Variants in IQCM observed in about 807,000 individuals in gnomAD.
IQCM encodes the protein IQ domain-containing protein M.
Under a neutral mutation model 57.6 loss-of-function variants are expected in IQCM, and 45 were observed. The observed-to-expected ratio is 0.78, with a 90% CI of 0.62 to 1.00. The LOEUF (loss-of-function observed/expected upper bound fraction) is 1.00. IQCM is among the 50% of genes least tolerant of loss of function. The pLI is 0.00. For synonymous variants in IQCM, 148 were observed against 158.9 expected, an observed-to-expected ratio of 0.93 and a Z score of 0.51; for missense variants, 468 against 511.6, an observed-to-expected ratio of 0.91 and a Z score of 0.82.
chr4:149,595,328 T>C (rs1000640716), intron 8 of IQCM, among the ~76,000 whole-genome samples: 17 of 152,040 alleles, frequency 1.1e-4, no homozygotes, highest in African/African-American at 3.6e-4. Context: ...CTCCATCCCT[T>C]TATTTTTTAA....
chr4:149,703,954 C>T (rs1763961664), intron 5 of IQCM, among the ~76,000 whole-genome samples: 1 of 151,840 alleles, frequency 6.6e-6, no homozygotes, highest in African/African-American at 2.4e-5. Flanking sequence ...ATTCCTTTCA[C>T]TTATACAAGC....
At chr4:149,416,674 C>G (rs1159469145) in intron 13 of IQCM, among the ~76,000 whole-genome samples, 1 of 152,014 alleles carries the variant, frequency 6.6e-6, no homozygotes, top group Non-Finnish European at 1.5e-5. Flanking sequence ...ACTTCATGAA[C>G]AGAGAAATGA....
At chr4:149,754,629 G>A (rs751936093) in intron 2 of IQCM, among the ~76,000 whole-genome samples, 31 of 152,050 alleles carry the variant, frequency 2.0e-4, no homozygotes, top group Non-Finnish European at 3.8e-4. Context: ...TTAGCTTCCA[G>A]GGATTTCCAG....
At chr4:149,550,120 C>T (rs1049514691) in intron 11 of IQCM, among the ~76,000 whole-genome samples, 1 of 152,166 alleles carries the variant, frequency 6.6e-6, no homozygotes, top group Non-Finnish European at 1.5e-5. Flanking sequence ...CAGGCCTTCA[C>T]TCAACCCATC....
At chr4:149,419,751 G>T (rs1404627166) in intron 13 of IQCM, among the ~76,000 whole-genome samples, 1 of 151,948 alleles carries the variant, frequency 6.6e-6, no homozygotes, top group Non-Finnish European at 1.5e-5. Flanking sequence ...ATCTGACAAA[G>T]GTCTAATATC....
chr4:149,477,471 T>C (rs1740320104), intron 12 of IQCM, among the ~76,000 whole-genome samples: 2 of 152,110 alleles, frequency 1.3e-5, no homozygotes, highest in South Asian at 4.2e-4. Flanking sequence ...GAGTATTTAC[T>C]CTGTATCATG....
At chr4:149,703,440 A>G (rs1763916329) in intron 5 of IQCM, among the ~76,000 whole-genome samples, 1 of 151,900 alleles carries the variant, frequency 6.6e-6, no homozygotes, top group Non-Finnish European at 1.5e-5. Context: ...AAATACACAC[A>G]AAATCTCATA....
At position 149,553,265 on chromosome 4, in the gene IQCM, A is replaced by G. The variant is rs1246383659; in HGVS notation, c.971T>C (p.Met324Thr). ...GCCATACATGTTAATAACTGCTTTC[A>G]TATCTGGTCCATGATCCAAAGCCTA... ...MTKALDHGPD[M>T]KAVINMYGRL... Residue 324 changes from methionine (M) to threonine (T), a missense_variant, in exon 11 of 14, where the codon ATG becomes ACG. Transcript: ENST00000636793. 1.6e-6 allele frequency: 2 copies of G among 1,231,844 alleles called. No individual in the cohort carries two copies. Among genetic ancestry groups the G allele is most frequent in the African/African-American group, 3.1e-5 (2 of 64,410 alleles). 76.3% of individuals were successfully genotyped at this position (1,231,844 alleles called of 1,614,324 possible).
chr4:149,672,585 T>C (rs1474904102), intron 7 of IQCM, among the ~76,000 whole-genome samples: 1 of 151,444 alleles, frequency 6.6e-6, no homozygotes, highest in Non-Finnish European at 1.5e-5. Context: ...GAAAAAAGAG[T>C]AAAAAGAAAC....
At position 149,673,839 on chromosome 4, in the gene IQCM, C is replaced by T. The variant is rs530640787; in HGVS notation, c.565+8279G>A. Among the ~76,000 whole-genome samples the T allele has an allele frequency of 6.6e-5, 10 of 152,196 alleles. No homozygotes were observed. The East Asian group carries it at 9.7e-4, about 15-fold the overall frequency. ...ATATACATTCTTCTCAGAACCACTT[C>T]GCACTTATTCCAAAAAAGGCTAAGT... On this transcript the variant is annotated intron_variant, in intron 7 of 13. Coordinates refer to ENST00000636793, the MANE Select transcript of IQCM (RefSeq NM_001363507.2).
chr4:149,765,763 C>G (rs1273265174), intron 2 of IQCM, among the ~76,000 whole-genome samples: 1 of 152,084 alleles, frequency 6.6e-6, no homozygotes, highest in Non-Finnish European at 1.5e-5. Flanking sequence ...TCCCCATTTG[C>G]TCCTATAGAT....
intron 2 of IQCM, among the ~76,000 whole-genome samples, chr4:149,750,996 C>T (rs538806083): frequency 1.3e-5 from 2 of 152,246 alleles, no homozygotes; most frequent in South Asian, 2.1e-4. Flanking sequence ...TCTCTATAAA[C>T]TTGTAAAAAC....
intron 2 of IQCM, among the ~76,000 whole-genome samples, chr4:149,776,353 C>A (rs983470605): frequency 2.6e-5 from 4 of 152,164 alleles, no homozygotes; most frequent in African/African-American, 9.6e-5. Context: ...AAAACCGAGG[C>A]TCAGAGAAGC....
intron 2 of IQCM, among the ~76,000 whole-genome samples, chr4:149,749,443 G>A (rs558703587): frequency 5.9e-5 from 9 of 151,992 alleles, no homozygotes; most frequent in Admixed American, 1.3e-4. Flanking sequence ...ATCAGGACAC[G>A]GTCTATGTTT....
intron 2 of IQCM, among the ~76,000 whole-genome samples, chr4:149,781,744 C>G (rs1399973784): frequency 6.6e-6 from 1 of 152,128 alleles, no homozygotes; most frequent in African/African-American, 2.4e-5. Context: ...GACTAGTGAA[C>G]TGCCAAAACA....
intron 5 of IQCM, among the ~76,000 whole-genome samples, chr4:149,687,878 A>C (rs994436462): frequency 2.6e-5 from 4 of 151,958 alleles, no homozygotes; most frequent in Admixed American, 6.6e-5. Context: ...ATGCAGAAAA[A>C]GCATTTGACA....
intron 11 of IQCM, among the ~76,000 whole-genome samples, chr4:149,550,547 T>C (rs1748927991): frequency 6.6e-6 from 1 of 152,234 alleles, no homozygotes; most frequent in African/African-American, 2.4e-5. Context: ...AACTGTATAA[T>C]TGATAACAGT....
At chr4:149,399,193 C>G (rs1732441578) in intron 13 of IQCM, among the ~76,000 whole-genome samples, 2 of 151,970 alleles carry the variant, frequency 1.3e-5, no homozygotes, top group African/African-American at 4.8e-5. Flanking sequence ...TCATATGGTG[C>G]CTCCTTCCAT....
Position 149,351,870 on chromosome 4 carries a change from A to G in IQCM, c.*81T>C, listed in dbSNP as rs978191662. ...TTTTATCCTTTCTTCCTACTCATAC[A>G]GAATTGATCCACCTCCAGTGTTAAC... On this transcript the variant is annotated 3_prime_UTR_variant, in exon 14 of 14. Transcript: ENST00000636793. 6.1e-4 allele frequency: 243 copies of G among 397,382 alleles called. No homozygotes were observed. Among genetic ancestry groups the G allele is most frequent in the Non-Finnish European group, 4.4e-4 (100 of 225,468 alleles). 24.6% of individuals were successfully genotyped at this position (397,382 alleles called of 1,614,324 possible).
Sources: allele counts gnomAD v4.1 joint callset (sites outside exome capture counted in the v4.1 genomes callset), GRCh38; gene constraint gnomAD v4.1.1; transcripts MANE v1.5; gene names NCBI Gene and HGNC (gene_info 2026-07-23, HGNC 2026-07-21).